PIEZO2: variants seen among roughly 807,000 people sequenced by gnomAD.
The protein encoded by PIEZO2 is piezo-type mechanosensitive ion channel component 2.
A neutral mutation model predicts 337.3 loss-of-function variants in PIEZO2; 172 were observed. The ratio of observed to expected loss-of-function variants is 0.51; its 90% confidence interval spans 0.45 to 0.58. PIEZO2 has a LOEUF of 0.58. PIEZO2 is among the 20% of genes least tolerant of loss of function. The pLI, the probability that PIEZO2 is intolerant of heterozygous loss-of-function variation, is 0.00. For missense variants in PIEZO2, 3,028 were observed against 3,391.3 expected (o/e 0.89, Z 2.66); for synonymous variants, 1,251 against 1,228.5 (o/e 1.02, Z -0.38).
rs1488205090 is a variant in PIEZO2, at chr18:10,878,270, C to T, written c.330-6855G>A. Among the ~76,000 whole-genome samples, 1 of 152,176 alleles carries T rather than the reference C, an allele frequency of 6.6e-6. No individual in the cohort carries two copies. The highest frequency in any genetic ancestry group is 1.5e-5 in the Non-Finnish European group (1 of 68,026). ...GATGCATGCTAGCTCCAGGACATAT[C>T]GCTGCCTCTTCAAATATTTGTTCTT... On this transcript the variant is annotated intron_variant, in intron 4 of 55. Transcript: ENST00000674853. The surrounding 1 kb of genome is among the most constrained non-coding windows in gnomAD (Gnocchi z 4.3).
At chr18:10,970,257 A>G (rs2034179777) in intron 3 of PIEZO2, among the ~76,000 whole-genome samples, 1 of 152,188 alleles carries the variant, frequency 6.6e-6, no homozygotes, top group African/African-American at 2.4e-5. Context: ...GGGAAATAAC[A>G]TGGGCAAAGG....
intron 1 of PIEZO2, among the ~76,000 whole-genome samples, chr18:11,088,198 G>A (rs2038967811): frequency 6.6e-6 from 1 of 152,134 alleles, no homozygotes; most frequent in African/African-American, 2.4e-5. Context: ...GTCTCCCCAG[G>A]AAATTAATGC....
Position 10,853,716 on chromosome 18 carries a change from T to C in PIEZO2, c.917+1637A>G, listed in dbSNP as rs563787824. On this transcript the variant is annotated intron_variant, in intron 7 of 55. Coordinates refer to ENST00000674853, the MANE Select transcript of PIEZO2 (RefSeq NM_001378183.1). This position sits in a 1 kb window ranked among gnomAD's most constrained non-coding sequence, Gnocchi z 4.2. ...GTCTTCTCTCTGTTAACTATTCCTATGTATGTATGTATCTATCAATCTATT... is the reference window on the plus strand; with the variant it reads ...GTCTTCTCTCTGTTAACTATTCCTACGTATGTATGTATCTATCAATCTATT... Among the ~76,000 whole-genome samples, 4 of 152,316 alleles carry C rather than the reference T, an allele frequency of 2.6e-5. No individual in the cohort carries two copies. In the South Asian group the frequency reaches 8.3e-4, roughly 32 times the overall value.
chr18:10,675,011 G>T (rs549473592), intron 54 of PIEZO2, among the ~76,000 whole-genome samples, 198 bp downstream of exon 54: 1 of 152,320 alleles, frequency 6.6e-6, no homozygotes, highest in Admixed American at 6.5e-5. Flanking sequence ...ATGAAAAAGA[G>T]AAAATGAAGA....
At position 10,885,274 on chromosome 18, in the gene PIEZO2, A is replaced by C. The variant is rs2144883273; in HGVS notation, c.330-13859T>G. On this transcript the variant is annotated intron_variant, in intron 4 of 55. Coordinates refer to ENST00000674853, the MANE Select transcript of PIEZO2 (RefSeq NM_001378183.1). ...CCTGTCTCTACTAAAAATACAAAAAATTAGCTGGGCGTGGTGGCAGGTGCC... is the reference window on the plus strand; with the variant it reads ...CCTGTCTCTACTAAAAATACAAAAACTTAGCTGGGCGTGGTGGCAGGTGCC... Among the ~76,000 whole-genome samples the C allele has an allele frequency of 1.3e-5, 2 of 152,136 alleles. 1 individual carries two copies. The highest frequency in any genetic ancestry group is 4.2e-4 in the South Asian group (2 of 4,794).
rs753329555 is a variant in PIEZO2 at position 11,148,225 on chromosome 18, C to A, written c.64+300G>T. On this transcript the variant is annotated intron_variant, in intron 1 of 55. Transcript: ENST00000674853. The surrounding 1 kb of genome is among the most constrained non-coding windows in gnomAD (Gnocchi z 5.2). The stretch of plus-strand genomic sequence containing the variant: ...ATCCGCCTTCCAGCCACAGCAATGG[C>A]CATCCTTAGTACACAAGTCAGTACT... Among the ~76,000 whole-genome samples, 3 of 152,150 alleles carry A rather than the reference C, an allele frequency of 2.0e-5. No individual in the cohort carries two copies.
chr18:10,800,481 G>A lies in PIEZO2; in HGVS notation c.1240-6C>T, dbSNP rs765707699. The A allele has an allele frequency of 1.9e-5, 29 of 1,524,440 alleles. No individual in the cohort carries two copies. In the East Asian group the frequency reaches 2.0e-4, roughly 10 times the overall value. 94.4% of individuals were successfully genotyped at this position (1,524,440 alleles called of 1,614,324 possible). ...TTCACAGTCACCAGCAGGCCCTGCC[G>A]GGAGTGCAGAGAAAGGGACAACTGT... is the stretch of plus-strand genomic sequence containing the variant. On this transcript the variant is annotated splice_polypyrimidine_tract_variant and splice_region_variant and intron_variant, in intron 10 of 55. Coordinates refer to ENST00000674853, the MANE Select transcript of PIEZO2 (RefSeq NM_001378183.1).
At chr18:10,977,083 G>T (rs956779942) in intron 3 of PIEZO2, among the ~76,000 whole-genome samples, 1 of 151,438 alleles carries the variant, frequency 6.6e-6, no homozygotes, top group African/African-American at 2.4e-5. Flanking sequence ...AGAACACAGA[G>T]TAACTACAGT....
At chr18:10,778,335 CTT>C (rs764803228) in intron 18 of PIEZO2, among the ~76,000 whole-genome samples, 32 of 127,722 alleles carry the variant, frequency 2.5e-4, no homozygotes, top group Admixed American at 1.8e-4. Flanking sequence ...TCTGGCTGCT[CTT>C]TTTTTTTTTT....
At chr18:10,866,385 A>T (rs1004395523) in intron 5 of PIEZO2, among the ~76,000 whole-genome samples, 6 of 151,626 alleles carry the variant, frequency 4.0e-5, no homozygotes, top group Non-Finnish European at 7.4e-5. Flanking sequence ...TCCCAGGTTC[A>T]AGCGATTCTC....
In PIEZO2 at chr18:11,080,988, G is replaced by A. The variant is rs868583521; in HGVS notation, c.65-14766C>T. 6.6e-6 allele frequency among the ~76,000 whole-genome samples: 1 copy of A among 152,170 alleles called. No individual in the cohort carries two copies. The highest frequency in any genetic ancestry group is 1.5e-5 in the Non-Finnish European group (1 of 68,034). On this transcript the variant is annotated intron_variant, in intron 1 of 55. Coordinates refer to ENST00000674853, the MANE Select transcript of PIEZO2 (RefSeq NM_001378183.1). This position sits in a 1 kb window ranked among gnomAD's most constrained non-coding sequence, Gnocchi z 5.4. ...ACCATCTGGCTAACATAATGACATGGCTACAATAACAATATTAAAAAGGAA... is the reference window on the plus strand; with the variant it reads ...ACCATCTGGCTAACATAATGACATGACTACAATAACAATATTAAAAAGGAA...
Position 10,855,553 on chromosome 18 carries a change from C to T in PIEZO2, c.717G>A (p.Pro239=), listed in dbSNP as rs8085615. Residue 239 remains proline, a synonymous_variant, in exon 7 of 56, where the codon CCG becomes CCA. Coordinates refer to ENST00000674853, the MANE Select transcript of PIEZO2 (RefSeq NM_001378183.1). This position sits in a 1 kb window ranked among gnomAD's most constrained non-coding sequence, Gnocchi z 4.9. ...AAAAATACACAGATGATGTCAAAGA[C>T]GGCAACATCATGCCTAAGGAAGAGA... The part of the protein sequence containing the change: ...ILLGSSGMML[P]SLTSSVYFFV... The T allele has an allele frequency of 5.9e-3, 9,013 of 1,536,356 alleles. 428 individuals are homozygous for T. The African/African-American group carries it at 0.11, about 18-fold the overall frequency.
chr18:10,746,303 C>T lies in PIEZO2; in HGVS notation c.4425-2072G>A, dbSNP rs1356159942. On this transcript the variant is annotated intron_variant, in intron 30 of 55. Transcript: ENST00000674853. The surrounding 1 kb of genome is among the most constrained non-coding windows in gnomAD (Gnocchi z 4.2). ...TGATAGCCCCCTGAGGACCTGGCCT[C>T]TCCTGGCCTGGAGCTTATCACTCAC... is the stretch of plus-strand genomic sequence containing the variant. 1.3e-5 allele frequency among the ~76,000 whole-genome samples: 2 copies of T among 152,222 alleles called. No homozygotes were observed. Among genetic ancestry groups the T allele is most frequent in the East Asian group, 3.8e-4 (2 of 5,198 alleles).
Position 10,883,816 on chromosome 18 carries a change from C to CTTTTTTTTTTTTT in PIEZO2, c.330-12402_330-12401insAAAAAAAAAAAAA, listed in dbSNP as rs71169957. Among the ~76,000 whole-genome samples, 1,214 of 122,610 alleles carry CTTTTTTTTTTTTT rather than the reference C, an allele frequency of 9.9e-3. 79 individuals carry two copies. Among genetic ancestry groups the CTTTTTTTTTTTTT allele is most frequent in the African/African-American group, 0.029 (872 of 29,682 alleles). 80.4% of individuals were successfully genotyped at this position (122,610 alleles called of 152,430 possible). ...TACCCTGTTTCTATGAGTCCTACTT[C>CTTTTTTTTTTTTT]TTTTTTTTTTTTGAGACAGAGTCTC... On this transcript the variant is annotated intron_variant, in intron 4 of 55. Coordinates refer to ENST00000674853, the MANE Select transcript of PIEZO2 (RefSeq NM_001378183.1).
intron 7 of PIEZO2, among the ~76,000 whole-genome samples, chr18:10,840,090 A>G (rs1378922767): frequency 6.6e-6 from 1 of 152,240 alleles, no homozygotes; most frequent in Non-Finnish European, 1.5e-5. Context: ...GACAAAAAGT[A>G]TGGGTCAAAA....
Position 10,929,544 on chromosome 18 carries a change from AG to A in PIEZO2, c.287-18317del, listed in dbSNP as rs764678030. Reference sequence around the variant, plus strand: ...GTTGAGACCATTTCAAAAAAGGAGTAGAAAATCACATCCACAGCCTTTGAGG... The same window carrying A: ...GTTGAGACCATTTCAAAAAAGGAGTAAAAATCACATCCACAGCCTTTGAGG... On this transcript the variant is annotated intron_variant, in intron 3 of 55. Transcript: ENST00000674853. This position sits in a 1 kb window ranked among gnomAD's most constrained non-coding sequence, Gnocchi z 5.6. 2.4e-4 allele frequency among the ~76,000 whole-genome samples: 37 copies of A among 152,344 alleles called. No homozygotes were observed. Among genetic ancestry groups the A allele is most frequent in the Admixed American group, 1.7e-3 (26 of 15,304 alleles).
Position 11,009,339 on chromosome 18 carries a change from T to C in PIEZO2, c.161-29679A>G, listed in dbSNP as rs2660278. The stretch of plus-strand genomic sequence containing the variant: ...AGGATGGATGTCCAGACTCCACCCC[T>C]GGAAGTTCTGACCTCATTTTTCTGG... On this transcript the variant is annotated intron_variant, in intron 2 of 55. Transcript: ENST00000674853. The surrounding 1 kb of genome is among the most constrained non-coding windows in gnomAD (Gnocchi z 4.6). 0.54 allele frequency among the ~76,000 whole-genome samples: 81,513 copies of C among 152,058 alleles called. 22,175 individuals carry two copies. Among genetic ancestry groups the C allele is most frequent in the African/African-American group, 0.61 (25,246 of 41,468 alleles).
At chr18:10,801,308 A>G (rs2039805995) in intron 10 of PIEZO2, 82 bp downstream of exon 10, 14 of 1,232,520 alleles carry the variant, frequency 1.1e-5, no homozygotes, top group Non-Finnish European at 1.6e-5. Flanking sequence ...GATCATTAAA[A>G]TAGACTCAAA....
intron 2 of PIEZO2, among the ~76,000 whole-genome samples, chr18:10,987,180 A>G (rs1330216533): frequency 1.3e-5 from 2 of 152,216 alleles, no homozygotes; most frequent in African/African-American, 2.4e-5. Context: ...AATTCCAATG[A>G]CATTTTTCAC....
Sources: allele counts gnomAD v4.1 joint callset (sites outside exome capture counted in the v4.1 genomes callset), GRCh38; gene constraint gnomAD v4.1.1; non-coding constraint Gnocchi (gnomAD v3.1); transcripts MANE v1.5; gene names NCBI Gene and HGNC (gene_info 2026-07-23, HGNC 2026-07-21).